The following AIM2 variants were observed in gnomAD, a reference collection of about 807,000 sequenced individuals.
AIM2 encodes the protein interferon-inducible protein AIM2.
Under a neutral mutation model 27.7 loss-of-function variants are expected in AIM2, and 30 were observed. The ratio of observed to expected loss-of-function variants is 1.08; its 90% CI spans 0.81 to 1.47. The LOEUF (loss-of-function observed/expected upper bound fraction) is 1.47. Ranked by LOEUF, AIM2 falls within the 40% of genes most tolerant of loss-of-function variation. The pLI, the probability that AIM2 is intolerant of heterozygous loss-of-function variation, is 0.00. For synonymous variants in AIM2, 141 were observed against 145.3 expected (o/e 0.97, Z 0.21); for missense variants, 358 against 411.3 (o/e 0.87, Z 1.12).
rs1486013435 is a variant in AIM2 at position 159,068,681 on chromosome 1, C to T, written c.283G>A (p.Val95Ile). The T allele has an allele frequency of 1.9e-6, 3 of 1,613,760 alleles. No homozygotes were observed. Among genetic ancestry groups the T allele is most frequent in the Non-Finnish European group, 2.5e-6 (3 of 1,179,816 alleles). ...KEKVDKQYKS[V>I]TKPKPLSQAE... ...TGACTTAGTGGCTTTGGTTTTGTTACCGATTTGTATTGCTTATCAACTGAT... is the reference window on the plus strand; with the variant it reads ...TGACTTAGTGGCTTTGGTTTTGTTATCGATTTGTATTGCTTATCAACTGAT... Residue 95 changes from valine (V) to isoleucine (I), a missense_variant, in exon 3 of 6, where the codon GTA becomes ATA. Coordinates refer to ENST00000368130, the MANE Select transcript of AIM2 (RefSeq NM_004833.3).
chr1:159,068,290 TA>T (rs1170476833), intron 3 of AIM2, among the ~76,000 whole-genome samples: 1 of 152,250 alleles, frequency 6.6e-6, no homozygotes, highest in East Asian at 1.9e-4. Flanking sequence ...AGACTTCCTG[TA>T]AACAACGGTC....
At chr1:159,121,142 G>C (rs1209331899) in intron 1 of AIM2, among the ~76,000 whole-genome samples, 1 of 152,208 alleles carries the variant, frequency 6.6e-6, no homozygotes, top group African/African-American at 2.4e-5. Context: ...CCAAGAGCAA[G>C]ATATTCAGCT....
At chr1:159,108,754 G>A (rs915090135) in intron 1 of AIM2, among the ~76,000 whole-genome samples, 4 of 151,986 alleles carry the variant, frequency 2.6e-5, no homozygotes, top group East Asian at 1.9e-4. Flanking sequence ...AACAGCGTCC[G>A]AGCTGAGAAT....
At chr1:159,095,534 G>A (rs193053170) in intron 1 of AIM2, among the ~76,000 whole-genome samples, 5 of 152,294 alleles carry the variant, frequency 3.3e-5, no homozygotes, top group East Asian at 1.9e-4. Context: ...CCCCAGCTAC[G>A]TGCTCAAGAA....
chr1:159,104,142 G>A (rs891979341), intron 1 of AIM2, among the ~76,000 whole-genome samples: 24 of 152,068 alleles, frequency 1.6e-4, no homozygotes, highest in African/African-American at 5.8e-4. Context: ...CAATATTAGG[G>A]GCTAAATGTC....
At chr1:159,095,982 G>T (rs1225591462) in intron 1 of AIM2, among the ~76,000 whole-genome samples, 1 of 152,132 alleles carries the variant, frequency 6.6e-6, no homozygotes, top group African/African-American at 2.4e-5. Flanking sequence ...TAAAATTTGA[G>T]ACATCACATA....
At chr1:159,103,911 A>G (rs1413006363) in intron 1 of AIM2, among the ~76,000 whole-genome samples, 2 of 152,010 alleles carry the variant, frequency 1.3e-5, no homozygotes, top group African/African-American at 4.8e-5. Context: ...TGCAGGAGCT[A>G]TTTTGGAACC....
intron 1 of AIM2, among the ~76,000 whole-genome samples, chr1:159,102,656 A>G (rs1409832555): frequency 6.6e-6 from 1 of 152,238 alleles, no homozygotes; most frequent in East Asian, 1.9e-4. Flanking sequence ...GATATGAGAC[A>G]TGGAGTCAAA....
At chr1:159,060,064 A>C (rs1156719836), downstream of AIM2, among the ~76,000 whole-genome samples, 1 of 152,198 alleles carries the variant, frequency 6.6e-6, no homozygotes, top group Non-Finnish European at 1.5e-5. Context: ...TGAGGTATGC[A>C]ATAGCACCAA....
intron 1 of AIM2, among the ~76,000 whole-genome samples, chr1:159,136,489 C>A (rs1648011257): frequency 6.6e-6 from 1 of 152,170 alleles, no homozygotes; most frequent in South Asian, 2.1e-4. Context: ...AGACTCAGAT[C>A]TGTGTCATTA....
At chr1:159,092,171 C>T (rs1197848627) in intron 1 of AIM2, among the ~76,000 whole-genome samples, 1 of 152,118 alleles carries the variant, frequency 6.6e-6, no homozygotes, top group Admixed American at 6.5e-5. Flanking sequence ...TGACTATTCA[C>T]AATTTTAGCA....
intron 1 of AIM2, among the ~76,000 whole-genome samples, chr1:159,145,998 C>T (rs548207507): frequency 9.2e-4 from 139 of 151,832 alleles, no homozygotes; most frequent in Non-Finnish European, 1.8e-3. Flanking sequence ...CCCAGCTACT[C>T]GGGAGGCTGA....
intron 1 of AIM2, among the ~76,000 whole-genome samples, chr1:159,119,797 T>C (rs1013233056): frequency 6.7e-6 from 1 of 150,352 alleles, no homozygotes; most frequent in Non-Finnish European, 1.5e-5. Context: ...TGCATGTGTT[T>C]GTGTGTGTGT....
chr1:159,085,414 G>A (rs1656885049), intron 1 of AIM2, among the ~76,000 whole-genome samples: 1 of 152,214 alleles, frequency 6.6e-6, no homozygotes, highest in East Asian at 1.9e-4. Context: ...TCTGGCTCAG[G>A]AAAGTAGGTG....
At chr1:159,077,136 T>G (rs1335847298), upstream of AIM2, among the ~76,000 whole-genome samples, 1 of 152,080 alleles carries the variant, frequency 6.6e-6, no homozygotes, top group Middle Eastern at 3.2e-3. Flanking sequence ...AATCTGAAAA[T>G]GAGACCCAAG....
chr1:159,059,225 A>T (rs999367664), downstream of AIM2, among the ~76,000 whole-genome samples: 5 of 152,014 alleles, frequency 3.3e-5, no homozygotes, highest in African/African-American at 1.2e-4. Context: ...ACATTTTTAT[A>T]TTTTTTTGCC....
intron 1 of AIM2, among the ~76,000 whole-genome samples, chr1:159,098,024 C>A (rs1369312427): frequency 6.6e-6 from 1 of 152,142 alleles, no homozygotes; most frequent in East Asian, 1.9e-4. Context: ...TCAGAATAAG[C>A]AATTTCTACA....
downstream of AIM2, among the ~76,000 whole-genome samples, chr1:159,061,694 C>A (rs900460319): frequency 1.3e-5 from 2 of 151,568 alleles, no homozygotes; most frequent in African/African-American, 4.9e-5. Flanking sequence ...TGTGAGCCAC[C>A]GTGCCTGGCC....
chr1:159,133,943 C>T (rs1647961025), intron 1 of AIM2, among the ~76,000 whole-genome samples: 1 of 152,192 alleles, frequency 6.6e-6, no homozygotes, highest in African/African-American at 2.4e-5. Flanking sequence ...ACCTGACTCT[C>T]ACCTTCATAC....
Sources: allele counts gnomAD v4.1 joint callset (sites outside exome capture counted in the v4.1 genomes callset), GRCh38; gene constraint gnomAD v4.1.1; transcripts MANE v1.5; gene names NCBI Gene and HGNC (gene_info 2026-07-23, HGNC 2026-07-21).